The following NIN variants were observed in gnomAD, a reference collection of about 807,000 sequenced individuals.
NIN encodes ninein, also known as glycogen synthase kinase 3 beta-interacting protein.
NIN carries 137 observed loss-of-function variants against 257.6 expected under a neutral mutation model. The ratio of observed to expected loss-of-function variants is 0.53; its 90% CI spans 0.46 to 0.61. NIN has a LOEUF of 0.61. Ranked by LOEUF, NIN falls within the 20% of genes least tolerant of loss-of-function variation. The pLI is 0.00. For missense variants in NIN, 2,439 were observed against 2,501.2 expected, an observed-to-expected ratio of 0.98 and a Z score of 0.53; for synonymous variants, 918 against 919.8, an observed-to-expected ratio of 1.00 and a Z score of 0.04.
intron 3 of NIN, among the ~76,000 whole-genome samples, chr14:50,821,222 T>C (rs958170844): frequency 1.3e-5 from 2 of 152,334 alleles, no homozygotes; most frequent in Admixed American, 6.5e-5. Context: ...GCAGATCAAA[T>C]ATCCACCATT....
At chr14:50,736,523 A>ACTAT (rs1221891891) in intron 27 of NIN, among the ~76,000 whole-genome samples, 18 of 152,282 alleles carry the variant, frequency 1.2e-4, no homozygotes, top group African/African-American at 4.1e-4. Context: ...AACATACAAC[A>ACTAT]CTATCTTAGA....
At chr14:50,733,312 C>T (rs1001602798) in intron 28 of NIN, among the ~76,000 whole-genome samples, 1 of 152,056 alleles carries the variant, frequency 6.6e-6, no homozygotes, top group Admixed American at 6.5e-5. Context: ...ACGCTGGTCT[C>T]GAACTCCTGA....
chr14:50,743,460 G>C lies in NIN; in HGVS notation c.5257C>G (p.Gln1753Glu), dbSNP rs936893394. 5 of 1,613,692 alleles carry C rather than the reference G, an allele frequency of 3.1e-6. No homozygotes were observed. The highest frequency in any genetic ancestry group is 4.2e-6 in the Non-Finnish European group (5 of 1,179,732). Residue 1753 changes from glutamine (Q) to glutamate (E), a missense_variant, in exon 24 of 31, where the codon CAG becomes GAG. Around this residue, in one of 3 missense-constraint regions of NIN, gnomAD observed 2,043 missense variants for 2,050.2 expected, o/e 1.00. Transcript: ENST00000530997. ...AGCTGTGACTTTAAGCTCGCACTCT[G>C]ATGTTCCCAGGATTTCTGTTCCTGC... ...MKQEQKSWEHQSASLKSQLVA... is the reference protein window; with the variant it reads ...MKQEQKSWEHESASLKSQLVA...
Position 50,758,293 on chromosome 14 carries a change from G to C in NIN, c.2737C>G (p.Gln913Glu), listed in dbSNP as rs749570268. 8 of 1,614,114 alleles carry C rather than the reference G, an allele frequency of 5.0e-6. No homozygotes were observed. Among genetic ancestry groups the C allele is most frequent in the Non-Finnish European group, 5.9e-6 (7 of 1,180,060 alleles). ...TCTTCCAGGTCTTGGAGTAGCTGCT[G>C]TCTCTCGACGACCATGCTGTTCAAA... ...EHLNSMVVER[Q>E]QLLQDLEDLR... Residue 913 changes from glutamine (Q) to glutamate (E), a missense_variant, in exon 18 of 31, where the codon CAG becomes GAG. Transcript: ENST00000530997.
Position 50,811,355 on chromosome 14 carries a change from C to T in NIN, c.184-4537G>A, listed in dbSNP as rs535761283. On this transcript the variant is annotated intron_variant, in intron 3 of 30. Transcript: ENST00000530997. ...AACTCCTGACCTCAGGTGAGCCACCCGTCACGGCCTCCCAAAGTGTTGGGA... is the reference window on the plus strand; with the variant it reads ...AACTCCTGACCTCAGGTGAGCCACCTGTCACGGCCTCCCAAAGTGTTGGGA... Among the ~76,000 whole-genome samples, 368 of 151,990 alleles carry T rather than the reference C, an allele frequency of 2.4e-3. 1 individual carries two copies. The highest frequency in any genetic ancestry group is 0.01 in the Middle Eastern group (3 of 292).
rs763250907 is a variant in NIN, at chr14:50,757,188, T to C, written c.3842A>G (p.Lys1281Arg). The C allele has an allele frequency of 3.1e-6, 5 of 1,613,614 alleles. No individual in the cohort carries two copies. The highest frequency in any genetic ancestry group is 1.3e-5 in the African/African-American group (1 of 74,996). The change falls in exon 18 of 31, where the codon AAA becomes AGA. Residue 1281 changes from lysine to arginine, a missense_variant. By Grantham distance (26) the Lys-to-Arg change is conservative. Coordinates refer to ENST00000530997, the MANE Select transcript of NIN (RefSeq NM_020921.4). Reference protein sequence around the residue: ...TRYDEALENNKELTAEVFRLQ... With the variant: ...TRYDEALENNRELTAEVFRLQ... ...CCTGAAAACCTCTGCAGTGAGTTCT[T>C]TGTTATTTTCTAGTGCCTCATCGTA...
At position 50,821,932 on chromosome 14, in the gene NIN, A is replaced by G; in HGVS notation, c.125T>C (p.Leu42Ser). 1 of 1,614,036 alleles carries G rather than the reference A, an allele frequency of 6.2e-7. No individual in the cohort carries two copies. The highest frequency in any genetic ancestry group is 8.5e-7 in the Non-Finnish European group (1 of 1,180,012). ...ELTDLCHMLS[L>S]EEVAPVLQQT... ...CTGCAGCACTGGGGCCACCTCCTCC[A>G]AGCTCAACATGTGGCAAAGGTCGGT... Residue 42 changes from leucine (L) to serine (S), a missense_variant, in exon 3 of 31, where the codon TTG becomes TCG. Physicochemically the swap from Leu to Ser is moderately radical, Grantham distance 145. Transcript: ENST00000530997.
chr14:50,729,606 G>A lies in NIN; in HGVS notation c.5995C>T (p.Arg1999Cys), dbSNP rs144624455. 1.1e-4 allele frequency: 180 copies of A among 1,614,052 alleles called. No homozygotes were observed. The East Asian group carries it at 1.4e-3, about 12-fold the overall frequency. Residue 1999 changes from arginine (R) to cysteine (C), a missense_variant, in exon 29 of 31, where the codon CGC (arginine) becomes TGC (cysteine). Coordinates refer to ENST00000530997, the MANE Select transcript of NIN (RefSeq NM_020921.4). ...ATCCTTTCTGCCTGCAGCAGCTGGC[G>A]TTGAAGCTGCAGAAACTGCTCCCTG... is the stretch of plus-strand genomic sequence containing the variant. ...VPREQFLQLQ[R>C]QLLQAERINQ... is the part of the protein sequence containing the mutation.
At position 50,772,244 on chromosome 14, in the gene NIN, T is replaced by C. The variant is rs911493304; in HGVS notation, c.981+57A>G. The C allele has an allele frequency of 9.6e-6, 14 of 1,457,752 alleles. No individual in the cohort carries two copies. The East Asian group carries it at 1.4e-4, about 14-fold the overall frequency. The allele number at this position is 1,457,752 out of a possible 1,614,324, so 90.3% of individuals were successfully genotyped here. ...AAATCACAGTTTCCAAAAAATAAAA[T>C]TGAAAATTTTCAACCCTTCTCCAGT... On this transcript the variant is annotated intron_variant, in intron 9 of 30. Coordinates refer to ENST00000530997, the MANE Select transcript of NIN (RefSeq NM_020921.4).
intron 12 of NIN, among the ~76,000 whole-genome samples, chr14:50,768,774 C>G (rs975657061): frequency 6.6e-6 from 1 of 152,184 alleles, no homozygotes; most frequent in African/African-American, 2.4e-5. Flanking sequence ...AGCTAAGTAA[C>G]TGGTAGCCAT....
intron 3 of NIN, among the ~76,000 whole-genome samples, chr14:50,816,413 G>C (rs529384208): frequency 1.3e-5 from 2 of 152,316 alleles, no homozygotes; most frequent in African/African-American, 4.8e-5. Flanking sequence ...CTTGAATCCA[G>C]GACTGCCTTC....
chr14:50,740,211 G>A (rs2041211653), intron 25 of NIN, among the ~76,000 whole-genome samples: 2 of 147,222 alleles, frequency 1.4e-5, no homozygotes, highest in African/African-American at 2.5e-5. Flanking sequence ...TTTTGAGACA[G>A]ACTCTCACTC....
chr14:50,745,084 G>A (rs1012962192), intron 22 of NIN, among the ~76,000 whole-genome samples: 1 of 152,078 alleles, frequency 6.6e-6, no homozygotes, highest in African/African-American at 2.4e-5. Context: ...TTGTTGGTGC[G>A]AACATACTGG....
At chr14:50,803,187 G>C (rs2044171455) in intron 4 of NIN, among the ~76,000 whole-genome samples, 1 of 152,008 alleles carries the variant, frequency 6.6e-6, no homozygotes, top group South Asian at 2.1e-4. Context: ...CCCCATCTCT[G>C]CTAAAAATAC....
intron 5 of NIN, among the ~76,000 whole-genome samples, chr14:50,784,831 G>C (rs1295900732): frequency 6.6e-6 from 1 of 152,224 alleles, no homozygotes; most frequent in Non-Finnish European, 1.5e-5. Flanking sequence ...CTTAGGATCA[G>C]GGCTTCCCCT....
At chr14:50,829,878 G>C (rs1212187228) in intron 2 of NIN, among the ~76,000 whole-genome samples, 2 of 152,172 alleles carry the variant, frequency 1.3e-5, no homozygotes, top group East Asian at 3.8e-4. Flanking sequence ...CGCTTCGGTA[G>C]CTACAGAAGC....
chr14:50,827,866 C>T (rs1248737950), intron 2 of NIN, among the ~76,000 whole-genome samples: 2 of 151,284 alleles, frequency 1.3e-5, no homozygotes, highest in African/African-American at 2.4e-5. Flanking sequence ...TGTAAGCAAC[C>T]TTTATTATTT....
At chr14:50,792,917 T>G in intron 4 of NIN, 36 bp from the exon 5 acceptor site, 1 of 1,608,570 alleles carries the variant, frequency 6.2e-7, no homozygotes, top group South Asian at 1.1e-5. Flanking sequence ...CCACATGACA[T>G]GAGAATCTCA....
At chr14:50,828,357 A>G (rs2142571595) in intron 2 of NIN, among the ~76,000 whole-genome samples, 1 of 152,364 alleles carries the variant, frequency 6.6e-6, no homozygotes, top group Non-Finnish European at 1.5e-5. Flanking sequence ...TTAAATTGCA[A>G]TAAAGAAGTG....
Sources: allele counts gnomAD v4.1 joint callset (sites outside exome capture counted in the v4.1 genomes callset), GRCh38; gene constraint gnomAD v4.1.1; regional missense constraint gnomAD v4.1.1; transcripts MANE v1.5; gene names NCBI Gene and HGNC (gene_info 2026-07-23, HGNC 2026-07-21).